The following B4GALNT1 variants were observed in gnomAD, a reference collection of about 807,000 sequenced individuals.
B4GALNT1 encodes beta-1,4-N-acetyl-galactosaminyltransferase 1, also known as beta-1,4 N-acetylgalactosaminyltransferase 1.
In B4GALNT1, 43 loss-of-function variants were observed where a neutral mutation model predicts 55.2. That is an observed-to-expected ratio of 0.78 (90% confidence interval 0.61 to 1.00). The LOEUF is 1.00. B4GALNT1 is among the 50% of genes least tolerant of loss of function. The pLI is 0.00. For synonymous variants in B4GALNT1, 305 were observed against 311.6 expected (o/e 0.98, Z 0.22); for missense variants, 664 against 729.7 (o/e 0.91, Z 1.04).
In B4GALNT1 at chr12:57,628,757, C is replaced by T. The variant is rs149358222; in HGVS notation, c.958G>A (p.Val320Ile). 1.3e-5 allele frequency: 21 copies of T among 1,614,142 alleles called. No individual in the cohort carries two copies. The highest frequency in any genetic ancestry group is 1.6e-4 in the Middle Eastern group (1 of 6,084). The change falls in exon 8 of 11, where the codon GTT becomes ATT. Residue 320 changes from valine to isoleucine, a missense_variant. Physicochemically the swap from Val to Ile is conservative, Grantham distance 29. Coordinates refer to ENST00000341156, the MANE Select transcript of B4GALNT1 (RefSeq NM_001478.5). ...TAGTGTTCCACGTAGGGGCCACTAA[C>T]GCGCTCTGGCTTGTCGCTGTCGTCA... ...IADDSDKPER[V>I]SGPYVEHYLM...
chr12:57,631,319 G>A lies in B4GALNT1; in HGVS notation c.264C>T (p.Gly88=), dbSNP rs1448086857. ...CTTGTTTCTGGAAGGGGAGGGGGAG[G>A]CCCCCCCCACTGGACTCACAACTGC... ...NNCSCESSGG[G]LPLPFQKQVR... The change falls in exon 3 of 11, where the codon GGC becomes GGT. Residue 88 remains glycine (G), a synonymous_variant. Transcript: ENST00000341156. 1 of 1,612,136 alleles carries A rather than the reference G, an allele frequency of 6.2e-7. No homozygotes were observed. Among genetic ancestry groups the A allele is most frequent in the Non-Finnish European group, 8.5e-7 (1 of 1,178,726 alleles).
At chr12:57,627,887 C>A (rs984214420) in intron 9 of B4GALNT1, 29 bp from the exon 10 acceptor site, 2 of 1,546,622 alleles carry the variant, frequency 1.3e-6, no homozygotes, top group African/African-American at 1.4e-5. Context: ...TGCCTCCAGG[C>A]GGGCCTGGGA....
In B4GALNT1 at chr12:57,628,911, T is replaced by G; in HGVS notation, c.812-8A>C. ...CGCTGATGTTGTACTGGGCTGAGAT[T>G]GGGGGCACAGGGTTGGGTGCAGACA... On this transcript the variant is annotated splice_polypyrimidine_tract_variant and splice_region_variant and intron_variant, in intron 7 of 10. Transcript: ENST00000341156. 3.1e-6 allele frequency: 5 copies of G among 1,614,054 alleles called. No homozygotes were observed. The highest frequency in any genetic ancestry group is 4.2e-6 in the Non-Finnish European group (5 of 1,180,002).
Position 57,631,057 on chromosome 12 carries a change from A to C in B4GALNT1, c.413T>G (p.Ile138Arg). 6.2e-7 allele frequency: 1 copy of C among 1,612,696 alleles called. No individual in the cohort carries two copies. The highest frequency in any genetic ancestry group is 1.3e-5 in the African/African-American group (1 of 75,028). ...CTGGAGCGGGGAGTTGGCAGGGGCT[A>C]TGAGCAGCTGGTCAGCTGGGGACTG... ...RSQSPADQLL[I>R]APANSPLQYP... Residue 138 changes from isoleucine (I) to arginine (R), a missense_variant, in exon 4 of 11, where the codon ATA becomes AGA. Coordinates refer to ENST00000341156, the MANE Select transcript of B4GALNT1 (RefSeq NM_001478.5).
chr12:57,629,039 C>A lies in B4GALNT1; in HGVS notation c.811+9G>T. The stretch of plus-strand genomic sequence containing the variant: ...GGTTCTAATATGTCCCTGCCCCTAC[C>A]AGCCTCACCTCCCTGGGGTAGAGAC... On this transcript the variant is annotated intron_variant, in intron 7 of 10. Transcript: ENST00000341156. 6.3e-7 allele frequency: 1 copy of A among 1,582,726 alleles called. No individual in the cohort carries two copies. Among genetic ancestry groups the A allele is most frequent in the Non-Finnish European group, 8.6e-7 (1 of 1,159,768 alleles).
intron 2 of B4GALNT1, 24 bp downstream of exon 2, chr12:57,631,891 T>C (rs1885236023): frequency 2.2e-6 from 3 of 1,373,796 alleles, no homozygotes; most frequent in Non-Finnish European, 2.8e-6. Context: ...AGCGCTGCGC[T>C]GCGCCGCCGC....
At position 57,630,459 on chromosome 12, in the gene B4GALNT1, C is replaced by T. The variant is rs1302273842; in HGVS notation, c.531+19G>A. 6.2e-7 allele frequency: 1 copy of T among 1,604,318 alleles called. No homozygotes were observed. Among genetic ancestry groups the T allele is most frequent in the Admixed American group, 1.7e-5 (1 of 59,010 alleles). On this transcript the variant is annotated intron_variant, in intron 5 of 10. Coordinates refer to ENST00000341156, the MANE Select transcript of B4GALNT1 (RefSeq NM_001478.5). ...TCTTGATGCCTACTTGGCCTCCTTGCCTTCTTGTTTTCTCTCACCTGGTAT... is the reference window on the plus strand; with the variant it reads ...TCTTGATGCCTACTTGGCCTCCTTGTCTTCTTGTTTTCTCTCACCTGGTAT...
rs1884728479 is a variant in B4GALNT1, at chr12:57,625,282, C to G, written c.*1462G>C. ...TGGTCCTAGACTTCAGTGGTGTCAC[C>G]TTTGCAGATGCTGCTGGGGCCAGAG... is the stretch of plus-strand genomic sequence containing the variant. On this transcript the variant is annotated 3_prime_UTR_variant, in exon 11 of 11. Transcript: ENST00000341156. 1.9e-6 allele frequency: 3 copies of G among 1,614,098 alleles called. No individual in the cohort carries two copies. The South Asian group carries it at 3.3e-5, about 18-fold the overall frequency.
rs1271117205 is a variant in B4GALNT1, at chr12:57,632,224, T to A, written c.-1-91A>T. On this transcript the variant is annotated intron_variant, in intron 1 of 10. Transcript: ENST00000341156. ...TGGCCCCCGCGTCCTCAGAGGCTCCTGCCGGCTCCCAAGAGCGCTCTCCAC... is the reference window on the plus strand; with the variant it reads ...TGGCCCCCGCGTCCTCAGAGGCTCCAGCCGGCTCCCAAGAGCGCTCTCCAC... The A allele has an allele frequency of 5.5e-6, 7 of 1,265,694 alleles. No individual in the cohort carries two copies. The East Asian group carries it at 7.6e-5, about 14-fold the overall frequency. The allele number at this position is 1,265,694 out of a possible 1,614,324, so 78.4% of individuals were successfully genotyped here.
At chr12:57,630,667 C>T (rs1272478219) in intron 4 of B4GALNT1, 149 bp from the exon 5 acceptor site, 9 of 1,018,582 alleles carry the variant, frequency 8.8e-6, no homozygotes, top group Non-Finnish European at 1.3e-5. Context: ...ATAACATAGC[C>T]TACAGTGACT....
chr12:57,623,918 T>C lies in B4GALNT1; in HGVS notation c.*2826A>G, dbSNP rs7314152. ...TTCTTTTACTATCTGCCCAAGGTAA[T>C]GAGCAGAGGAGGCATGAGCATGGCT... On this transcript the variant is annotated 3_prime_UTR_variant, in exon 11 of 11. Coordinates refer to ENST00000341156, the MANE Select transcript of B4GALNT1 (RefSeq NM_001478.5). The C allele has an allele frequency of 6.2e-7, 1 of 1,613,698 alleles. No homozygotes were observed. Among genetic ancestry groups the C allele is most frequent in the Non-Finnish European group, 8.5e-7 (1 of 1,179,910 alleles).
At position 57,626,704 on chromosome 12, in the gene B4GALNT1, G is replaced by A; in HGVS notation, c.*40C>T. ...TGGAAATTCCTGGCAGGGACAAGGAGGCAGGCCCAGCCTGACAGTCAGAAA... is the reference window on the plus strand; with the variant it reads ...TGGAAATTCCTGGCAGGGACAAGGAAGCAGGCCCAGCCTGACAGTCAGAAA... On this transcript the variant is annotated 3_prime_UTR_variant, in exon 11 of 11. Transcript: ENST00000341156. 1 of 1,609,854 alleles carries A rather than the reference G, an allele frequency of 6.2e-7. No homozygotes were observed. Among genetic ancestry groups the A allele is most frequent in the Non-Finnish European group, 8.5e-7 (1 of 1,176,480 alleles).
chr12:57,627,541 G>T, intron 10 of B4GALNT1, 77 bp downstream of exon 10: 1 of 1,501,598 alleles, frequency 6.7e-7, no homozygotes. Flanking sequence ...GTGCAGCCTA[G>T]GAGGAGAGGC....
rs1423595663 is a variant in B4GALNT1, at chr12:57,626,928, A to AC, written c.1417dup (p.Val473GlyfsTer91). The AC allele has an allele frequency of 6.2e-7, 1 of 1,614,166 alleles. No homozygotes were observed. Among genetic ancestry groups the AC allele is most frequent in the Admixed American group, 1.7e-5 (1 of 60,020 alleles). On this transcript the variant is annotated frameshift_variant, in exon 11 of 11. Coordinates refer to ENST00000341156, the MANE Select transcript of B4GALNT1 (RefSeq NM_001478.5). LOFTEE classifies it high-confidence loss of function. ...CACCACGACGTCGGAGCAGGAGCCAACCCGAAGGGAACCAAGCCCATCCAA... is the reference window on the plus strand; with the variant it reads ...CACCACGACGTCGGAGCAGGAGCCAACCCCGAAGGGAACCAAGCCCATCCAA...
intron 9 of B4GALNT1, 40 bp downstream of exon 9, chr12:57,628,082 G>T: frequency 6.2e-7 from 1 of 1,610,070 alleles, no homozygotes. Flanking sequence ...GCCTGTTCAA[G>T]GCCCTTCTCC....
chr12:57,624,370 T>C lies in B4GALNT1; in HGVS notation c.*2374A>G. 1 of 623,250 alleles carries C rather than the reference T, an allele frequency of 1.6e-6. No homozygotes were observed. Among genetic ancestry groups the C allele is most frequent in the Non-Finnish European group, 3.0e-6 (1 of 331,568 alleles). The allele number at this position is 623,250 out of a possible 1,614,324, so 38.6% of individuals were successfully genotyped here. On this transcript the variant is annotated 3_prime_UTR_variant, in exon 11 of 11. Transcript: ENST00000341156. ...TCAACCCTGTTGTTTCCTTCTGTCA[T>C]GCTTTCCACTTCTTCCTGGATCATC...
chr12:57,625,437 A>C lies in B4GALNT1; in HGVS notation c.*1307T>G, dbSNP rs748177977. The C allele has an allele frequency of 6.2e-7, 1 of 1,614,160 alleles. No homozygotes were observed. The highest frequency in any genetic ancestry group is 1.1e-5 in the South Asian group (1 of 91,080). On this transcript the variant is annotated 3_prime_UTR_variant, in exon 11 of 11. Coordinates refer to ENST00000341156, the MANE Select transcript of B4GALNT1 (RefSeq NM_001478.5). ...GGCCAGCCGATGTCGAGATGCTAGG[A>C]TCCGCCTCCTCCTGGCTCAGTGTAA...
chr12:57,625,949 G>T lies in B4GALNT1; in HGVS notation c.*795C>A. The T allele has an allele frequency of 2.0e-6, 1 of 504,732 alleles. No individual in the cohort carries two copies. The highest frequency in any genetic ancestry group is 3.3e-6 in the Non-Finnish European group (1 of 301,644). 31.3% of individuals were successfully genotyped at this position (504,732 alleles called of 1,614,324 possible). On this transcript the variant is annotated 3_prime_UTR_variant, in exon 11 of 11. Transcript: ENST00000341156. The stretch of plus-strand genomic sequence containing the variant: ...TGAGAGGACTGCCACATTTCATTAA[G>T]GAAGAGGGGTGCCTAATCTATTCCT...
chr12:57,631,208 A>G lies in B4GALNT1; in HGVS notation c.375T>C (p.Phe125=), dbSNP rs756687034. Residue 125 remains phenylalanine, a synonymous_variant, in exon 3 of 11, where the codon TTT becomes TTC. Coordinates refer to ENST00000341156, the MANE Select transcript of B4GALNT1 (RefSeq NM_001478.5). ...SATREQEFQA[F]LSRSQSPADQ... ...TTCTTTCAAGCTGGTACCTCGACAG[A>G]AAGGCCTGGAACTCCTGCTCTCTTG... 6.2e-7 allele frequency: 1 copy of G among 1,614,126 alleles called. No homozygotes were observed. Among genetic ancestry groups the G allele is most frequent in the Non-Finnish European group, 8.5e-7 (1 of 1,179,994 alleles).
Sources: allele counts gnomAD v4.1 joint callset, GRCh38; gene constraint gnomAD v4.1.1; transcripts MANE v1.5; gene names NCBI Gene and HGNC (gene_info 2026-07-23, HGNC 2026-07-21).